COL19A1: variants seen among roughly 807,000 people sequenced by gnomAD.
COL19A1 encodes collagen type XIX alpha 1 chain, also known as collagen alpha-1(XIX) chain.
COL19A1 carries 159 observed loss-of-function variants against 190.2 expected under a neutral mutation model. The ratio of observed to expected loss-of-function variants is 0.84; its 90% CI spans 0.73 to 0.95. The LOEUF (loss-of-function observed/expected upper bound fraction) is 0.95, where lower values mean the gene tolerates loss of function less well. Ranked by LOEUF, COL19A1 falls within the 40% of genes least tolerant of loss-of-function variation. COL19A1 has a pLI of 0.00. For missense variants in COL19A1, 1,418 were observed against 1,431.9 expected, an observed-to-expected ratio of 0.99 and a Z score of 0.16; for synonymous variants, 509 against 458.9, an observed-to-expected ratio of 1.11 and a Z score of -1.39.
At chr6:69,922,269 T>C (rs1016040586) in intron 4 of COL19A1, among the ~76,000 whole-genome samples, 6 of 151,732 alleles carry the variant, frequency 4.0e-5, no homozygotes, top group Non-Finnish European at 8.8e-5. Context: ...ATTATAAAGA[T>C]TTTCATTCAT....
intron 11 of COL19A1, among the ~76,000 whole-genome samples, chr6:70,016,288 G>A (rs1778072056): frequency 1.5e-5 from 1 of 64,954 alleles, no homozygotes; most frequent in Non-Finnish European, 2.6e-5. Context: ...AGTGGGTGCA[G>A]CGCACAAGCA....
At chr6:69,903,304 G>T (rs1770308167) in intron 4 of COL19A1, among the ~76,000 whole-genome samples, 1 of 152,180 alleles carries the variant, frequency 6.6e-6, no homozygotes, top group Non-Finnish European at 1.5e-5. Flanking sequence ...AGTGGTGGGG[G>T]TGCCTCAGGC....
intron 14 of COL19A1, among the ~76,000 whole-genome samples, chr6:70,048,174 C>T (rs1780008022): frequency 6.6e-6 from 1 of 152,046 alleles, no homozygotes; most frequent in South Asian, 2.1e-4. Flanking sequence ...ATAGCTTTTA[C>T]TCTAAGAAAA....
At chr6:70,046,285 C>T (rs1779911600) in intron 14 of COL19A1, among the ~76,000 whole-genome samples, 2 of 152,106 alleles carry the variant, frequency 1.3e-5, no homozygotes, top group East Asian at 3.9e-4. Flanking sequence ...CTCCTTCTCC[C>T]CTTGCTCTTC....
chr6:69,928,129 T>A, intron 5 of COL19A1, 97 bp downstream of exon 5: 1 of 1,477,722 alleles, frequency 6.8e-7, no homozygotes, highest in Non-Finnish European at 9.3e-7. Context: ...GTAGATCTAG[T>A]ATCCAAATGT....
chr6:69,913,531 G>C (rs950987494), intron 4 of COL19A1, among the ~76,000 whole-genome samples: 1 of 152,180 alleles, frequency 6.6e-6, no homozygotes, highest in African/African-American at 2.4e-5. Context: ...CTTGAAGTGT[G>C]AATTTACCAG....
At chr6:69,873,144 A>C (rs1767936415) in intron 1 of COL19A1, among the ~76,000 whole-genome samples, 1 of 151,932 alleles carries the variant, frequency 6.6e-6, no homozygotes. Flanking sequence ...CTTGCTCTGG[A>C]TGTGCACCCG....
intron 15 of COL19A1, among the ~76,000 whole-genome samples, chr6:70,074,274 G>A (rs1026780173): frequency 1.3e-5 from 2 of 151,980 alleles, no homozygotes; most frequent in African/African-American, 2.4e-5. Flanking sequence ...CAAGACGGGC[G>A]GATCACTTGA....
At chr6:70,152,653 C>T (rs968682397) in intron 31 of COL19A1, among the ~76,000 whole-genome samples, 1 of 152,014 alleles carries the variant, frequency 6.6e-6, no homozygotes, top group Non-Finnish European at 1.5e-5. Context: ...TGCGCATTCC[C>T]ACTCTATAGA....
chr6:70,140,459 C>T (rs1786175451), intron 19 of COL19A1, among the ~76,000 whole-genome samples: 1 of 151,944 alleles, frequency 6.6e-6, no homozygotes, highest in Non-Finnish European at 1.5e-5. Context: ...TTAACCTCTT[C>T]AAGTCATTTT....
chr6:70,023,769 C>A, intron 12 of COL19A1, 89 bp downstream of exon 12: 1 of 1,157,994 alleles, frequency 8.6e-7, no homozygotes, highest in Non-Finnish European at 1.2e-6. Flanking sequence ...CTATTTTTGG[C>A]AGAGCCAGCC....
At chr6:70,009,624 C>G (rs1268226957) in intron 11 of COL19A1, among the ~76,000 whole-genome samples, 1 of 151,964 alleles carries the variant, frequency 6.6e-6, no homozygotes, top group Non-Finnish European at 1.5e-5. Context: ...TGCAAATGAC[C>G]TGGTATAGCC....
At chr6:70,134,731 A>G (rs1785735451) in intron 18 of COL19A1, among the ~76,000 whole-genome samples, 1 of 152,190 alleles carries the variant, frequency 6.6e-6, no homozygotes. Context: ...TGAGTCAGAA[A>G]AGCAAACACT....
chr6:69,885,319 C>G (rs896583828), intron 2 of COL19A1, among the ~76,000 whole-genome samples: 3 of 151,910 alleles, frequency 2.0e-5, no homozygotes, highest in African/African-American at 7.3e-5. Flanking sequence ...TGTTAAGGTT[C>G]TCTAAGCAGT....
At chr6:70,068,208 T>C (rs916990763) in intron 14 of COL19A1, among the ~76,000 whole-genome samples, 1 of 152,008 alleles carries the variant, frequency 6.6e-6, no homozygotes, top group Non-Finnish European at 1.5e-5. Flanking sequence ...GGTGTGGGTC[T>C]GCCTTTTTTT....
At chr6:70,159,199 G>A (rs1787628739) in intron 34 of COL19A1, among the ~76,000 whole-genome samples, 1 of 151,074 alleles carries the variant, frequency 6.6e-6, no homozygotes, top group Non-Finnish European at 1.5e-5. Context: ...TGTACATATA[G>A]AAAGAATTTT....
At chr6:70,036,841 T>C (rs1779381287) in intron 14 of COL19A1, among the ~76,000 whole-genome samples, 1 of 152,120 alleles carries the variant, frequency 6.6e-6, no homozygotes, top group South Asian at 2.1e-4. Flanking sequence ...TTCCCATAGG[T>C]AGAACATAGG....
At chr6:70,070,629 G>A (rs1259581345) in intron 15 of COL19A1, among the ~76,000 whole-genome samples, 1 of 152,082 alleles carries the variant, frequency 6.6e-6, no homozygotes, top group Non-Finnish European at 1.5e-5. Flanking sequence ...CTACTTGAAT[G>A]GGAAACAAAT....
chr6:69,878,489 A>G (rs570209422), intron 1 of COL19A1, among the ~76,000 whole-genome samples: 47 of 152,242 alleles, frequency 3.1e-4, no homozygotes, highest in African/African-American at 1.1e-3. Context: ...CTGGGATTAC[A>G]GGCATGAGCC....
Sources: allele counts gnomAD v4.1 joint callset (sites outside exome capture counted in the v4.1 genomes callset), GRCh38; gene constraint gnomAD v4.1.1; transcripts MANE v1.5; gene names NCBI Gene and HGNC (gene_info 2026-07-23, HGNC 2026-07-21).